Variants in RUBCNL observed in about 807,000 individuals in gnomAD.
The protein encoded by RUBCNL is protein associated with UVRAG as autophagy enhancer.
A neutral mutation model predicts 69.5 loss-of-function variants in RUBCNL; 62 were observed. The ratio of observed to expected loss-of-function variants is 0.89; its 90% CI spans 0.73 to 1.10. RUBCNL has a LOEUF of 1.10. RUBCNL is among the 50% of genes least tolerant of loss of function. The pLI, the probability that RUBCNL is intolerant of heterozygous loss-of-function variation, is 0.00. For missense variants in RUBCNL, 768 were observed against 798.1 expected (o/e 0.96, Z 0.45); for synonymous variants, 291 against 303.6 (o/e 0.96, Z 0.43).
chr13:46,369,342 G>C (rs1318379100), intron 3 of RUBCNL, among the ~76,000 whole-genome samples: 1 of 152,098 alleles, frequency 6.6e-6, no homozygotes, highest in Non-Finnish European at 1.5e-5. Context: ...AGCCTCCCTA[G>C]CAGCTGAGAT....
chr13:46,366,171 G>A (rs897075212), intron 5 of RUBCNL, among the ~76,000 whole-genome samples: 19 of 152,186 alleles, frequency 1.2e-4, no homozygotes, highest in Non-Finnish European at 2.5e-4. Flanking sequence ...TAGCCTCAGA[G>A]GGCACGATCG....
At chr13:46,350,014 T>A in intron 11 of RUBCNL, 99 bp downstream of exon 11, 2 of 885,792 alleles carry the variant, frequency 2.3e-6, no homozygotes, top group South Asian at 3.4e-5. Flanking sequence ...CATTTGCCTC[T>A]TAGAGGATGT....
At position 46,349,302 on chromosome 13, in the gene RUBCNL, A is replaced by G. The variant is rs143780728; in HGVS notation, c.1615T>C (p.Cys539Arg). The change falls in exon 12 of 15, where the codon TGT (cysteine) becomes CGT (arginine). Residue 539 changes from cysteine to arginine, a missense_variant. Physicochemically the swap from Cys to Arg is radical, Grantham distance 180. Transcript: ENST00000429979. ...GAATAGTACCTGTTAGCAAACCTACAGGTCTTCAACAGCTTCTTGATATGG... is the reference window on the plus strand; with the variant it reads ...GAATAGTACCTGTTAGCAAACCTACGGGTCTTCAACAGCTTCTTGATATGG... ...LFHIKKLLKT[C>R]RFANSALKEF... 7.4e-6 allele frequency: 12 copies of G among 1,613,612 alleles called. No homozygotes were observed. The highest frequency in any genetic ancestry group is 1.0e-5 in the Non-Finnish European group (12 of 1,179,716).
chr13:46,336,611 G>A lies in RUBCNL; in HGVS notation c.*6774C>T, dbSNP rs148768229. The stretch of plus-strand genomic sequence containing the variant: ...ATAAAACAGTATTCTCTTTTGTTAA[G>A]AAGAATGCAAGCAACTGTGGTAGAG... On this transcript the variant is annotated 3_prime_UTR_variant, in exon 15 of 15. Transcript: ENST00000429979. Among the ~76,000 whole-genome samples the A allele has an allele frequency of 4.5e-4, 69 of 151,954 alleles. No homozygotes were observed. Among genetic ancestry groups the A allele is most frequent in the Non-Finnish European group, 9.0e-4 (61 of 67,996 alleles).
At chr13:46,367,294 C>T (rs1436799074) in intron 5 of RUBCNL, among the ~76,000 whole-genome samples, 1 of 152,144 alleles carries the variant, frequency 6.6e-6, no homozygotes, top group Non-Finnish European at 1.5e-5. Context: ...AAGGAGCACA[C>T]CCTGCATACT....
At position 46,344,832 on chromosome 13, in the gene RUBCNL, CT is replaced by C. The variant is rs747235177; in HGVS notation, c.1786-2del. On this transcript the variant is annotated splice_acceptor_variant, in intron 13 of 14. Coordinates refer to ENST00000429979, the MANE Select transcript of RUBCNL (RefSeq NM_025113.5). LOFTEE classifies it high-confidence loss of function. ...AAATAAAGCCCTTTCCTTGACACAG[CT>C]GTAAAAGAAGACATCAAAAAGTTAC... 1 of 1,605,404 alleles carries C rather than the reference CT, an allele frequency of 6.2e-7. No homozygotes were observed. The highest frequency in any genetic ancestry group is 1.1e-5 in the South Asian group (1 of 89,888).
At chr13:46,376,714 T>A (rs566182510) in intron 2 of RUBCNL, among the ~76,000 whole-genome samples, 2 of 152,324 alleles carry the variant, frequency 1.3e-5, no homozygotes, top group East Asian at 3.9e-4. Context: ...TTCTCAGAAA[T>A]AACATTGTTA....
Position 46,340,840 on chromosome 13 carries a change from C to T in RUBCNL, c.*2545G>A, listed in dbSNP as rs1343467638. Reference sequence around the variant, plus strand: ...GAACTCACTCATCACCACAAAGGTGCCACCAAGCTATTCTTGAGGGATCCA... The same window carrying T: ...GAACTCACTCATCACCACAAAGGTGTCACCAAGCTATTCTTGAGGGATCCA... On this transcript the variant is annotated 3_prime_UTR_variant, in exon 15 of 15. Coordinates refer to ENST00000429979, the MANE Select transcript of RUBCNL (RefSeq NM_025113.5). 3.3e-5 allele frequency among the ~76,000 whole-genome samples: 5 copies of T among 152,172 alleles called. No homozygotes were observed. Among genetic ancestry groups the T allele is most frequent in the Admixed American group, 6.5e-5 (1 of 15,268 alleles).
intron 2 of RUBCNL, among the ~76,000 whole-genome samples, chr13:46,376,963 A>G (rs936958100): frequency 1.1e-4 from 17 of 152,142 alleles, no homozygotes; most frequent in African/African-American, 3.9e-4. Context: ...ATAGAAATTT[A>G]TTTTTAGCTT....
chr13:46,352,299 C>T (rs1385816259), intron 10 of RUBCNL, among the ~76,000 whole-genome samples: 1 of 152,238 alleles, frequency 6.6e-6, no homozygotes, highest in Non-Finnish European at 1.5e-5. Context: ...GCCCCTCCCT[C>T]AACACTAGGT....
intron 2 of RUBCNL, among the ~76,000 whole-genome samples, chr13:46,374,960 T>C (rs1028663071): frequency 2.0e-5 from 3 of 152,166 alleles, no homozygotes; most frequent in African/African-American, 7.2e-5. Flanking sequence ...AAAGATATCT[T>C]TCCTAACCAC....
intron 6 of RUBCNL, among the ~76,000 whole-genome samples, 192 bp downstream of exon 6, chr13:46,362,923 C>CATATATACATATATAT (rs2048648622): frequency 1.1e-5 from 1 of 88,038 alleles, no homozygotes; most frequent in Non-Finnish European, 2.3e-5. Flanking sequence ...ACAAGAACAT[C>CATATATACATATATAT]ATATATATAT....
At position 46,337,113 on chromosome 13, in the gene RUBCNL, G is replaced by T. The variant is rs2048109534; in HGVS notation, c.*6272C>A. On this transcript the variant is annotated 3_prime_UTR_variant, in exon 15 of 15. Transcript: ENST00000429979. ...GCCCTTGTAAAACAGACCCCAGGGG[G>T]TTCTCTCTCTCTCTCTTTTCCTTTT... 6.7e-6 allele frequency among the ~76,000 whole-genome samples: 1 copy of T among 149,546 alleles called. No individual in the cohort carries two copies. Among genetic ancestry groups the T allele is most frequent in the African/African-American group, 2.5e-5 (1 of 40,394 alleles).
intron 2 of RUBCNL, among the ~76,000 whole-genome samples, chr13:46,374,801 C>T (rs1392272648): frequency 1.3e-5 from 2 of 152,150 alleles, no homozygotes; most frequent in African/African-American, 2.4e-5. Context: ...TAAGCCCCAA[C>T]CACACTGCAA....
At chr13:46,366,590 T>C (rs2048761006) in intron 5 of RUBCNL, among the ~76,000 whole-genome samples, 1 of 152,222 alleles carries the variant, frequency 6.6e-6, no homozygotes, top group Admixed American at 6.5e-5. Context: ...AACAGGTATT[T>C]GATCATATAC....
At position 46,387,178 on chromosome 13, in the gene RUBCNL, C is replaced by A; in HGVS notation, c.-283G>T. 1 of 985,366 alleles carries A rather than the reference C, an allele frequency of 1.0e-6. No individual in the cohort carries two copies. Among genetic ancestry groups the A allele is most frequent in the Non-Finnish European group, 1.2e-6 (1 of 829,962 alleles). 61.0% of individuals were successfully genotyped at this position (985,366 alleles called of 1,614,324 possible). A position where few individuals can be genotyped will look rare whatever the true frequency, so the allele number is the denominator to read the frequency against. On this transcript the variant is annotated 5_prime_UTR_variant, in exon 1 of 15. Coordinates refer to ENST00000429979, the MANE Select transcript of RUBCNL (RefSeq NM_025113.5). Reference sequence around the variant, plus strand: ...GGAACGCTGCGCTGGGTAAACGCCGCGCGTCGGGTCCTCCCTCGCGCGGCT... The same window carrying A: ...GGAACGCTGCGCTGGGTAAACGCCGAGCGTCGGGTCCTCCCTCGCGCGGCT...
intron 1 of RUBCNL, among the ~76,000 whole-genome samples, chr13:46,378,889 A>G (rs1386817617): frequency 6.6e-6 from 1 of 152,216 alleles, no homozygotes; most frequent in Non-Finnish European, 1.5e-5. Context: ...AACTGGGGGC[A>G]TCAGAGTAAA....
rs914732837 is a variant in RUBCNL, at chr13:46,372,223, C to T, written c.253G>A (p.Ala85Thr). The T allele has an allele frequency of 1.5e-5, 25 of 1,613,906 alleles. No individual in the cohort carries two copies. The highest frequency in any genetic ancestry group is 1.9e-5 in the Non-Finnish European group (23 of 1,179,906). Residue 85 changes from alanine to threonine, a missense_variant, in exon 3 of 15, where the codon GCC (alanine) becomes ACC (threonine). By Grantham distance (58) the Ala-to-Thr change is moderately conservative. Transcript: ENST00000429979. The part of the protein sequence containing the change: ...NSGTHFVTDA[A>T]SPSGPSPSCL... The stretch of plus-strand genomic sequence containing the variant: ...GAAGGTGAAGGGCCTGAGGGAGAGG[C>T]AGCATCTGTCACAAAATGGGTCCCA...
chr13:46,371,417 T>C (rs575703258), intron 3 of RUBCNL, among the ~76,000 whole-genome samples: 4 of 152,376 alleles, frequency 2.6e-5, no homozygotes, highest in East Asian at 1.9e-4. Context: ...CATTACTTCA[T>C]AGCAGTGAGA....
Sources: allele counts gnomAD v4.1 joint callset (sites outside exome capture counted in the v4.1 genomes callset), GRCh38; gene constraint gnomAD v4.1.1; transcripts MANE v1.5; gene names NCBI Gene and HGNC (gene_info 2026-07-23, HGNC 2026-07-21).